TDRD6: variants seen among roughly 807,000 people sequenced by gnomAD.
TDRD6 encodes tudor domain-containing protein 6.
In TDRD6, 186 loss-of-function variants were observed where a neutral mutation model predicts 157.5. That is an observed-to-expected ratio of 1.18 (90% CI 1.05 to 1.33). The LOEUF is 1.33. Among genes scored for constraint, TDRD6 ranks in the 40% most tolerant of loss-of-function variants. The probability of loss-of-function intolerance (pLI) is 0.00; values close to 1 mark genes in which losing one functional copy is unlikely to be tolerated. For synonymous variants in TDRD6, 1,075 were observed against 945.2 expected (o/e 1.14, Z -2.52); for missense variants, 3,066 against 2,508.0 (o/e 1.22, Z -4.75).
rs201613471 is a variant in TDRD6 at position 46,693,615 on chromosome 6, A to C, written c.5487A>C (p.Ile1829=). Residue 1829 remains isoleucine (I), a synonymous_variant, in exon 1 of 4, where the codon ATA becomes ATC. Transcript: ENST00000316081. The part of the protein sequence containing the change: ...LLPHANETKE[I]LELNSLEVPL... Reference sequence around the variant, plus strand: ...CACATGCTAATGAAACAAAGGAGATACTAGAACTGAATTCACTTGAGGTGC... The same window carrying C: ...CACATGCTAATGAAACAAAGGAGATCCTAGAACTGAATTCACTTGAGGTGC... 6.2e-7 allele frequency: 1 copy of C among 1,614,218 alleles called. No individual in the cohort carries two copies. Among genetic ancestry groups the C allele is most frequent in the Non-Finnish European group, 8.5e-7 (1 of 1,180,042 alleles).
At chr6:46,697,861 C>A in intron 2 of TDRD6, 137 bp from the exon 3 acceptor site, 1 of 439,160 alleles carries the variant, frequency 2.3e-6, no homozygotes, top group Non-Finnish European at 3.9e-6. Context: ...GCCCTCCATC[C>A]TGGGCAATAG....
Position 46,688,082 on chromosome 6 carries a change from G to A in TDRD6, c.-47G>A. On this transcript the variant is annotated 5_prime_UTR_variant, in exon 1 of 4. Coordinates refer to ENST00000316081, the MANE Select transcript of TDRD6 (RefSeq NM_001010870.3). ...GCGCGGAGGATTTCGAGGCCCTGAGGCGCGGCCCTTAATTTCCGGAAGTGG... is the reference window on the plus strand; with the variant it reads ...GCGCGGAGGATTTCGAGGCCCTGAGACGCGGCCCTTAATTTCCGGAAGTGG... The A allele has an allele frequency of 1.4e-6, 2 of 1,433,956 alleles. No homozygotes were observed. The highest frequency in any genetic ancestry group is 1.5e-5 in the African/African-American group (1 of 66,456). The allele number at this position is 1,433,956 out of a possible 1,614,324, so 88.8% of individuals were successfully genotyped here.
In TDRD6 at chr6:46,693,400, G is replaced by A; in HGVS notation, c.5272G>A (p.Val1758Ile). ...DELAEITEKD[V>I]NIIGTKPSNF... is the part of the protein sequence containing the mutation. ...GCTTGCTGAAATAACTGAAAAAGAT[G>A]TAAACATTATTGGAACCAAACCAAG... is the stretch of plus-strand genomic sequence containing the variant. Residue 1758 changes from valine to isoleucine, a missense_variant, in exon 1 of 4, where the codon GTA (valine) becomes ATA (isoleucine). Val to Ile is a conservative substitution (Grantham distance 29). Coordinates refer to ENST00000316081, the MANE Select transcript of TDRD6 (RefSeq NM_001010870.3). The A allele has an allele frequency of 6.2e-7, 1 of 1,613,584 alleles. No individual in the cohort carries two copies. The highest frequency in any genetic ancestry group is 8.5e-7 in the Non-Finnish European group (1 of 1,179,888).
At chr6:46,686,102 G>T (rs186460679), upstream of TDRD6, among the ~76,000 whole-genome samples, 1 of 152,276 alleles carries the variant, frequency 6.6e-6, no homozygotes, top group African/African-American at 2.4e-5. Flanking sequence ...TAGGATTAAG[G>T]CCATGAGCCA....
In TDRD6 at chr6:46,691,466, T is replaced by C. The variant is rs535366865; in HGVS notation, c.3338T>C (p.Val1113Ala). The C allele has an allele frequency of 1.6e-5, 26 of 1,614,052 alleles. No homozygotes were observed. The African/African-American group carries it at 2.3e-4, about 14-fold the overall frequency. ...GATCATATACCAGAAGAAGTGGTGG[T>C]GTGGTTTCAGGAGACTATTTTAGAT... ...IPDHIPEEVVVWFQETILDKS... is the reference protein window; with the variant it reads ...IPDHIPEEVVAWFQETILDKS... Residue 1113 changes from valine to alanine, a missense_variant, in exon 1 of 4, where the codon GTG (valine) becomes GCG (alanine). Val to Ala is a moderately conservative substitution (Grantham distance 64). Transcript: ENST00000316081.
Position 46,692,724 on chromosome 6 carries a change from G to A in TDRD6, c.4596G>A (p.Glu1532=). 1.2e-6 allele frequency: 2 copies of A among 1,614,160 alleles called. No individual in the cohort carries two copies. Among genetic ancestry groups the A allele is most frequent in the Admixed American group, 1.7e-5 (1 of 60,032 alleles). Residue 1532 remains glutamate (E), a synonymous_variant, in exon 1 of 4, where the codon GAG becomes GAA. Transcript: ENST00000316081. ...RAYATVIDGP[E]YFWCQFADTE... Reference sequence around the variant, plus strand: ...ATGCCACTGTGATAGATGGACCTGAGTACTTTTGGTGTCAGTTTGCTGATA... The same window carrying A: ...ATGCCACTGTGATAGATGGACCTGAATACTTTTGGTGTCAGTTTGCTGATA...
the TDRD6 span, among the ~76,000 whole-genome samples, chr6:46,681,746 G>C: frequency 3.9e-5 from 6 of 152,158 alleles, no homozygotes; most frequent in Admixed American, 3.9e-4. Context: ...TCTGAGTTAA[G>C]AAGGTAATAA....
intron 2 of TDRD6, among the ~76,000 whole-genome samples, chr6:46,697,230 A>G (rs1469591976): frequency 1.3e-5 from 2 of 152,070 alleles, no homozygotes; most frequent in Non-Finnish European, 2.9e-5. Context: ...CCTATATTCC[A>G]TCCTGTTACC....
At position 46,689,600 on chromosome 6, in the gene TDRD6, C is replaced by T. The variant is rs144889394; in HGVS notation, c.1472C>T (p.Ala491Val). The T allele has an allele frequency of 2.0e-4, 325 of 1,614,108 alleles. No individual in the cohort carries two copies. Among genetic ancestry groups the T allele is most frequent in the Middle Eastern group, 1.6e-3 (10 of 6,062 alleles). The change falls in exon 1 of 4, where the codon GCG becomes GTG. Residue 491 changes from alanine (A) to valine (V), a missense_variant. Ala to Val is a moderately conservative substitution (Grantham distance 64, BLOSUM62 0). Transcript: ENST00000316081. ...IRLKMNAFYDAQVEFVKNPSE... is the reference protein window; with the variant it reads ...IRLKMNAFYDVQVEFVKNPSE... ...TTAAAGATGAATGCCTTCTACGATG[C>T]GCAGGTAGAGTTTGTTAAAAATCCT...
Position 46,694,140 on chromosome 6 carries a change from C to T in TDRD6, c.6012C>T (p.Ser2004=). ...LFSEEESSDG[S]KHNNGLPDHI... ...CTGAGGAAGAAAGCAGTGATGGAAG[C>T]AAGCACAATAATGGTTTACCAGATC... The change falls in exon 1 of 4, where the codon AGC becomes AGT. Residue 2004 remains serine, a synonymous_variant. Transcript: ENST00000316081. The T allele has an allele frequency of 6.3e-7, 1 of 1,586,044 alleles. No homozygotes were observed. Among genetic ancestry groups the T allele is most frequent in the Non-Finnish European group, 8.6e-7 (1 of 1,167,852 alleles).
chr6:46,692,064 T>A lies in TDRD6; in HGVS notation c.3936T>A (p.Ser1312=). The change falls in exon 1 of 4, where the codon TCT becomes TCA. Residue 1312 remains serine (S), a synonymous_variant. Transcript: ENST00000316081. ...GATTTAAAACAACTGTATATGTTTCTCATATAAATGACCTTTCAGACTTTT... is the reference window on the plus strand; with the variant it reads ...GATTTAAAACAACTGTATATGTTTCACATATAAATGACCTTTCAGACTTTT... ...MPGFKTTVYV[S]HINDLSDFYV... 1 of 1,612,754 alleles carries A rather than the reference T, an allele frequency of 6.2e-7. No homozygotes were observed. The highest frequency in any genetic ancestry group is 8.5e-7 in the Non-Finnish European group (1 of 1,179,588).
chr6:46,700,993 T>C (rs1345252320), intron 3 of TDRD6: 1 of 444,924 alleles, frequency 2.2e-6, no homozygotes, highest in African/African-American at 2.0e-5. Context: ...AGGTTCCTTT[T>C]GTTAGGCTGT....
intron 2 of TDRD6, among the ~76,000 whole-genome samples, 161 bp downstream of exon 2, chr6:46,696,106 A>G (rs1051954175): frequency 2.0e-5 from 3 of 152,202 alleles, no homozygotes; most frequent in African/African-American, 7.2e-5. Flanking sequence ...ATCTCCATAT[A>G]TAAGAATCGT....
At chr6:46,696,609 T>A (rs1202811064) in intron 2 of TDRD6, among the ~76,000 whole-genome samples, 21 of 61,216 alleles carry the variant, frequency 3.4e-4, no homozygotes, top group South Asian at 7.1e-4. Context: ...ATATTTTTTT[T>A]TTTTTTTTTT....
chr6:46,681,181 T>C, the TDRD6 span, among the ~76,000 whole-genome samples: 4 of 152,234 alleles, frequency 2.6e-5, no homozygotes, highest in African/African-American at 9.6e-5. Context: ...AGAATAATTA[T>C]GTTGGGTCAA....
chr6:46,680,442 C>T, the TDRD6 span, among the ~76,000 whole-genome samples: 4 of 151,994 alleles, frequency 2.6e-5, no homozygotes, highest in Non-Finnish European at 4.4e-5. Flanking sequence ...TTAAAAATGT[C>T]ATTAGGATTC....
Position 46,693,652 on chromosome 6 carries a change from G to A in TDRD6, c.5524G>A (p.Asp1842Asn), listed in dbSNP as rs763459261. The A allele has an allele frequency of 8.1e-6, 13 of 1,614,050 alleles. No homozygotes were observed. The East Asian group carries it at 2.4e-4, about 30-fold the overall frequency. Residue 1842 changes from aspartate (D) to asparagine (N), a missense_variant, in exon 1 of 4, where the codon GAT becomes AAT. Coordinates refer to ENST00000316081, the MANE Select transcript of TDRD6 (RefSeq NM_001010870.3). Reference sequence around the variant, plus strand: ...TTCACTTGAGGTGCCGCTTTCTCCTGATGATGAATCAAAAGAATTCTTAGA... The same window carrying A: ...TTCACTTGAGGTGCCGCTTTCTCCTAATGATGAATCAAAAGAATTCTTAGA... ...LNSLEVPLSP[D>N]DESKEFLELE...
chr6:46,693,134 A>G lies in TDRD6; in HGVS notation c.5006A>G (p.Glu1669Gly). The stretch of plus-strand genomic sequence containing the variant: ...GATGTGTTGGAAATAACAATACTAG[A>G]AATCAGAAGGGATGTTTGTGATATC... ...TEDVLEITIL[E>G]IRRDVCDIPL... Residue 1669 changes from glutamate to glycine, a missense_variant, in exon 1 of 4, where the codon GAA (glutamate) becomes GGA (glycine). Coordinates refer to ENST00000316081, the MANE Select transcript of TDRD6 (RefSeq NM_001010870.3). 1.2e-6 allele frequency: 2 copies of G among 1,612,076 alleles called. No homozygotes were observed. The highest frequency in any genetic ancestry group is 1.7e-5 in the Admixed American group (1 of 59,594).
At position 46,689,303 on chromosome 6, in the gene TDRD6, AG is replaced by A. The variant is rs778375766; in HGVS notation, c.1177del (p.Val393SerfsTer4). The A allele has an allele frequency of 1.9e-6, 3 of 1,614,182 alleles. No homozygotes were observed. Among genetic ancestry groups the A allele is most frequent in the Non-Finnish European group, 2.5e-6 (3 of 1,180,020 alleles). On this transcript the variant is annotated frameshift_variant, in exon 1 of 4. Coordinates refer to ENST00000316081, the MANE Select transcript of TDRD6 (RefSeq NM_001010870.3). LOFTEE classifies it high-confidence loss of function. ...WDGGRGWSRSQVGDLKTLILG... is the reference protein window; with the variant it reads ...WDGGRGWSRSXVGDLKTLILG... ...GGTGGGAGAGGCTGGTCTCGGTCAC[AG>A]GTCGGTGACCTGAAGACACTGATAC...
Sources: allele counts gnomAD v4.1 joint callset (sites outside exome capture counted in the v4.1 genomes callset), GRCh38; gene constraint gnomAD v4.1.1; transcripts MANE v1.5; gene names NCBI Gene and HGNC (gene_info 2026-07-23, HGNC 2026-07-21).